The following LRCH1 variants were observed in gnomAD, a reference collection of about 807,000 sequenced individuals.
The protein encoded by LRCH1 is leucine rich repeats and calponin homology domain containing 1.
Under a neutral mutation model 94.9 loss-of-function variants are expected in LRCH1, and 23 were observed. That is an observed-to-expected ratio of 0.24 (90% confidence interval 0.17 to 0.34). The LOEUF (loss-of-function observed/expected upper bound fraction) is 0.34. LRCH1 is among the 10% of genes least tolerant of loss of function. LRCH1 has a pLI of 1.00. For synonymous variants in LRCH1, 364 were observed against 354.9 expected (o/e 1.03, Z -0.29); for missense variants, 790 against 945.9 (o/e 0.84, Z 2.16).
rs142750472 is a variant in LRCH1, at chr13:46,718,029, G to C, written c.1759+2365G>C. Among the ~76,000 whole-genome samples the C allele has an allele frequency of 1.6e-4, 24 of 152,300 alleles. No individual in the cohort carries two copies. In the East Asian group the frequency reaches 4.4e-3, roughly 28 times the overall value. On this transcript the variant is annotated intron_variant, in intron 16 of 19. Transcript: ENST00000389797. Reference sequence around the variant, plus strand: ...CCCACCCCTGGAGCTGGATGGGACAGCTTTAACCTCCGTTTTTAACCTGAT... The same window carrying C: ...CCCACCCCTGGAGCTGGATGGGACACCTTTAACCTCCGTTTTTAACCTGAT...
At chr13:46,747,680 G>A (rs185158504), downstream of LRCH1, among the ~76,000 whole-genome samples, 1 of 151,882 alleles carries the variant, frequency 6.6e-6, no homozygotes, top group East Asian at 1.9e-4. Flanking sequence ...GTGTTCTGTT[G>A]ATTTGTTAGT....
intron 1 of LRCH1, among the ~76,000 whole-genome samples, chr13:46,597,620 G>A (rs7330453): frequency 0.84 from 128,231 of 152,022 alleles, 54,248 homozygotes; most frequent in East Asian, 0.92. Flanking sequence ...GCCTCCCAAA[G>A]TGCTGGGATT....
chr13:46,574,822 G>GT (rs754195815), intron 1 of LRCH1, among the ~76,000 whole-genome samples: 1,215 of 69,328 alleles, frequency 0.018, 24 homozygotes, highest in East Asian at 0.035. Flanking sequence ...TGTGTGTGGG[G>GT]TTTTTTTTTT....
chr13:46,569,087 G>A (rs959873434), intron 1 of LRCH1, among the ~76,000 whole-genome samples: 6 of 152,004 alleles, frequency 3.9e-5, no homozygotes, highest in Admixed American at 2.6e-4. Context: ...ATTTCGAAAC[G>A]TCTTGTTAAC....
chr13:46,618,098 A>G (rs1465796923), intron 1 of LRCH1, among the ~76,000 whole-genome samples: 1 of 152,198 alleles, frequency 6.6e-6, no homozygotes, highest in African/African-American at 2.4e-5. Context: ...TGTGAACATC[A>G]TCGAGTGACT....
chr13:46,593,164 T>C (rs1391958192), intron 1 of LRCH1, among the ~76,000 whole-genome samples: 1 of 152,016 alleles, frequency 6.6e-6, no homozygotes, highest in South Asian at 2.1e-4. Flanking sequence ...TATTAAGTGA[T>C]GTTCAGTACT....
intron 1 of LRCH1, among the ~76,000 whole-genome samples, chr13:46,625,520 T>G (rs543084764): frequency 6.6e-6 from 1 of 151,970 alleles, no homozygotes; most frequent in East Asian, 1.9e-4. Flanking sequence ...AAAACATCTG[T>G]GAAGCAGAAA....
At chr13:46,555,946 T>G (rs963343302) in intron 1 of LRCH1, among the ~76,000 whole-genome samples, 4 of 152,334 alleles carry the variant, frequency 2.6e-5, no homozygotes, top group Admixed American at 6.5e-5. Context: ...AGAGTTAAAG[T>G]TACCTCCGGT....
At chr13:46,692,777 G>T (rs1180065139) in intron 8 of LRCH1, 136 bp downstream of exon 8, 5 of 628,548 alleles carry the variant, frequency 8.0e-6, no homozygotes. Flanking sequence ...GTTCTTCTGG[G>T]AAGTTGAGCT....
chr13:46,678,483 T>C (rs1010317333), intron 3 of LRCH1, among the ~76,000 whole-genome samples: 5 of 152,218 alleles, frequency 3.3e-5, no homozygotes, highest in Non-Finnish European at 5.9e-5. Context: ...CCCCCCATTA[T>C]TTGTCAGGAC....
chr13:46,553,190 G>A lies in LRCH1; in HGVS notation c.-207G>A, dbSNP rs1594237878. ...CCGCCGCAGTCCTTAGCTTCCCGGG[G>A]ACAGGAAACCTTCAAGACCGAGCTG... On this transcript the variant is annotated 5_prime_UTR_variant, in exon 1 of 20. Coordinates refer to ENST00000389797, the MANE Select transcript of LRCH1 (RefSeq NM_001164211.2). The A allele has an allele frequency of 3.5e-6, 2 of 571,696 alleles. No homozygotes were observed. The highest frequency in any genetic ancestry group is 2.1e-5 in the African/African-American group (1 of 48,704). The allele number at this position is 571,696 out of a possible 1,614,324, so 35.4% of individuals were successfully genotyped here.
At chr13:46,632,287 T>G (rs1160208015) in intron 1 of LRCH1, among the ~76,000 whole-genome samples, 2 of 152,126 alleles carry the variant, frequency 1.3e-5, no homozygotes, top group Non-Finnish European at 2.9e-5. Context: ...TAATAGTTGA[T>G]GGCCATGAGG....
At chr13:46,748,277 AT>A (rs202046957), downstream of LRCH1, among the ~76,000 whole-genome samples, 11,533 of 143,224 alleles carry the variant, frequency 0.081, 819 homozygotes, top group African/African-American at 0.19. Flanking sequence ...GGTGTTGTAG[AT>A]TTTTTTTTTT....
rs113842278 is a variant in LRCH1, at chr13:46,658,036, G to A, written c.452+7691G>A. 2.1e-3 allele frequency among the ~76,000 whole-genome samples: 317 copies of A among 152,172 alleles called. 1 individual carries two copies. Among genetic ancestry groups the A allele is most frequent in the African/African-American group, 7.2e-3 (300 of 41,520 alleles). On this transcript the variant is annotated intron_variant, in intron 2 of 19. Coordinates refer to ENST00000389797, the MANE Select transcript of LRCH1 (RefSeq NM_001164211.2). The stretch of plus-strand genomic sequence containing the variant: ...GCACTTTCACCTCTGTTACCTTGTT[G>A]AACATGATCTCTATTGCATTTCATG...
At chr13:46,587,426 G>A (rs1286094880) in intron 1 of LRCH1, among the ~76,000 whole-genome samples, 1 of 152,220 alleles carries the variant, frequency 6.6e-6, no homozygotes, top group African/African-American at 2.4e-5. Context: ...AGATTAGACC[G>A]CCTTTCAGGA....
chr13:46,711,959 G>T, intron 14 of LRCH1, 115 bp downstream of exon 14: 1 of 757,918 alleles, frequency 1.3e-6, no homozygotes, highest in East Asian at 2.7e-5. Flanking sequence ...TTGAGTCTTT[G>T]GGGGAATCCG....
chr13:46,743,542 G>A lies in LRCH1; in HGVS notation c.*1694G>A. On this transcript the variant is annotated 3_prime_UTR_variant, in exon 20 of 20. Transcript: ENST00000389797. ...ACACAATAAAATCCCTTTGTACGAT[G>A]TCTAATGAGCACCCTGAGCCATAAA... 1.0e-6 allele frequency: 1 copy of A among 985,826 alleles called. No individual in the cohort carries two copies. The highest frequency in any genetic ancestry group is 1.2e-6 in the Non-Finnish European group (1 of 829,936). The allele number at this position is 985,826 out of a possible 1,614,324, so 61.1% of individuals were successfully genotyped here.
rs377062843 is a variant in LRCH1 at position 46,699,682 on chromosome 13, A to C, written c.1313+279A>C. 6.6e-5 allele frequency among the ~76,000 whole-genome samples: 10 copies of C among 152,264 alleles called. No homozygotes were observed. The East Asian group carries it at 1.7e-3, about 26-fold the overall frequency. ...GAATTAGCTAGAATTTCTAGATTGG[A>C]GGTTCTACCATCCATACAATTGCCT... On this transcript the variant is annotated intron_variant, in intron 10 of 19. Coordinates refer to ENST00000389797, the MANE Select transcript of LRCH1 (RefSeq NM_001164211.2).
At chr13:46,724,967 A>G (rs1204814266) in intron 17 of LRCH1, among the ~76,000 whole-genome samples, 4 of 152,254 alleles carry the variant, frequency 2.6e-5, no homozygotes, top group Admixed American at 6.5e-5. Flanking sequence ...GCTCGCATCA[A>G]CAATGGATTG....
Sources: gnomAD v4.1 joint callset for allele counts (sites outside exome capture counted in the v4.1 genomes callset) on GRCh38, gnomAD v4.1.1 for gene constraint, MANE v1.5 for transcripts, NCBI Gene and HGNC (gene_info 2026-07-23, HGNC 2026-07-21) for gene names.